GLRX5: variants seen among roughly 807,000 people sequenced by gnomAD.
GLRX5 encodes the protein glutaredoxin 5.
In GLRX5, 10 loss-of-function variants were observed where a neutral mutation model predicts 13.8. The ratio of observed to expected loss-of-function variants is 0.72; its 90% confidence interval spans 0.45 to 1.23. The LOEUF (loss-of-function observed/expected upper bound fraction) is 1.23. GLRX5 is among the 50% of genes most tolerant of loss of function. GLRX5 has a pLI of 0.00. For missense variants in GLRX5, 233 were observed against 215.2 expected (o/e 1.08, Z -0.52); for synonymous variants, 98 against 101.1 (o/e 0.97, Z 0.18).
Position 95,544,592 on chromosome 14 carries a change from G to A in GLRX5, c.*467G>A, listed in dbSNP as rs2236314. The A allele has an allele frequency of 0.09, 17,742 of 197,852 alleles. 1,027 individuals carry two copies. Among genetic ancestry groups the A allele is most frequent in the East Asian group, 0.17 (1,384 of 8,000 alleles). The allele number at this position is 197,852 out of a possible 1,614,324, so 12.3% of individuals were successfully genotyped here. Reference sequence around the variant, plus strand: ...TTAAAATAAACTCCAGCACAGGGATGCTGTGCATGCCTGAGTTGATTCCGA... The same window carrying A: ...TTAAAATAAACTCCAGCACAGGGATACTGTGCATGCCTGAGTTGATTCCGA... On this transcript the variant is annotated 3_prime_UTR_variant, in exon 2 of 2. Coordinates refer to ENST00000331334, the MANE Select transcript of GLRX5 (RefSeq NM_016417.3).
rs189688360 is a variant in GLRX5, at chr14:95,544,317, T to C, written c.*192T>C. The C allele has an allele frequency of 1.1e-3, 691 of 627,238 alleles. 3 individuals carry two copies. The African/African-American group carries it at 0.011, about 10-fold the overall frequency. 38.9% of individuals were successfully genotyped at this position (627,238 alleles called of 1,614,324 possible). A position where few individuals can be genotyped will look rare whatever the true frequency, so the allele number is the denominator to read the frequency against. On this transcript the variant is annotated 3_prime_UTR_variant, in exon 2 of 2. Coordinates refer to ENST00000331334, the MANE Select transcript of GLRX5 (RefSeq NM_016417.3). The stretch of plus-strand genomic sequence containing the variant: ...AAGAATATTTTATTGTGGACTTAAT[T>C]ACAACCACTGCACTGTAATGATTCA...
intron 1 of GLRX5, among the ~76,000 whole-genome samples, chr14:95,541,740 G>A (rs1287574622): frequency 6.6e-6 from 1 of 152,204 alleles, no homozygotes; most frequent in Non-Finnish European, 1.5e-5. Flanking sequence ...CTTCGATTGA[G>A]TGTGATACTA....
Position 95,544,158 on chromosome 14 carries a change from GC to G in GLRX5, c.*35del, listed in dbSNP as rs770805454. The G allele has an allele frequency of 2.5e-6, 4 of 1,589,938 alleles. No individual in the cohort carries two copies. The highest frequency in any genetic ancestry group is 4.5e-5 in the East Asian group (2 of 44,542). ...CAAGTCCTCGCTGAGCAGAGAGGGA[GC>G]CGTTCATGTCAGAGACTCACTGCCA... On this transcript the variant is annotated 3_prime_UTR_variant, in exon 2 of 2. Transcript: ENST00000331334.
At chr14:95,543,467 G>A (rs1465009029) in intron 1 of GLRX5, 104 of 316,758 alleles carry the variant, frequency 3.3e-4, no homozygotes, top group African/African-American at 2.2e-4. Context: ...ATGAATTACC[G>A]TGATGGATCC....
At position 95,535,325 on chromosome 14, in the gene GLRX5, T is replaced by C. The variant is rs752203652; in HGVS notation, c.236T>C (p.Leu79Pro). ...AACGCCGTGGTGCAGATCCTGCGGC[T>C]GCACGGCGTCCGCGATTACGCGGCC... ...FSNAVVQILR[L>P]HGVRDYAAYN... is the part of the protein sequence containing the mutation. Residue 79 changes from leucine to proline, a missense_variant, in exon 1 of 2, where the codon CTG becomes CCG. By Grantham distance (98) the Leu-to-Pro change is moderately conservative. Transcript: ENST00000331334. 3.9e-6 allele frequency: 6 copies of C among 1,555,234 alleles called. No homozygotes were observed. In the African/African-American group the frequency reaches 6.8e-5, roughly 18 times the overall value.
intron 1 of GLRX5, chr14:95,543,511 A>C: frequency 3.2e-6 from 1 of 315,054 alleles, no homozygotes; most frequent in Non-Finnish European, 6.2e-6. Flanking sequence ...ACATTTCTTC[A>C]AGTTTTGTTT....
At chr14:95,542,843 ATG>A in intron 1 of GLRX5, 2 of 340,892 alleles carry the variant, frequency 5.9e-6, no homozygotes, top group Non-Finnish European at 1.2e-5. Flanking sequence ...ATGGCCGACT[ATG>A]TTTTTGAAAG....
At chr14:95,540,679 C>CA (rs1185093585) in intron 1 of GLRX5, among the ~76,000 whole-genome samples, 6 of 152,114 alleles carry the variant, frequency 3.9e-5, no homozygotes, top group Non-Finnish European at 5.9e-5. Context: ...GTAACTTGCC[C>CA]AAGATCACAG....
chr14:95,543,367 A>G (rs1449281613), intron 1 of GLRX5: 2 of 339,622 alleles, frequency 5.9e-6, no homozygotes, highest in Admixed American at 7.8e-5. Context: ...TCAACAACTC[A>G]TCATCTCGAG....
rs1332574751 is a variant in GLRX5, at chr14:95,544,508, CTTTT to C, written c.*384_*387del. ...TCTCCCCCCAAATTTTGTGTAGCTT[CTTTT>C]GTTATGGAAAATGGTGAACAAAAAA... On this transcript the variant is annotated 3_prime_UTR_variant, in exon 2 of 2. Transcript: ENST00000331334. 1 of 213,460 alleles carries C rather than the reference CTTTT, an allele frequency of 4.7e-6. No individual in the cohort carries two copies. Among genetic ancestry groups the C allele is most frequent in the Admixed American group, 5.2e-5 (1 of 19,120 alleles). 13.2% of individuals were successfully genotyped at this position (213,460 alleles called of 1,614,324 possible).
At chr14:95,538,881 A>G (rs562114474) in intron 1 of GLRX5, among the ~76,000 whole-genome samples, 1 of 152,348 alleles carries the variant, frequency 6.6e-6, no homozygotes, top group Non-Finnish European at 1.5e-5. Context: ...AGTAGACTGG[A>G]TTTGGCCTGA....
At position 95,544,160 on chromosome 14, in the gene GLRX5, C is replaced by A; in HGVS notation, c.*35C>A. ...AGTCCTCGCTGAGCAGAGAGGGAGC[C>A]GTTCATGTCAGAGACTCACTGCCAG... is the stretch of plus-strand genomic sequence containing the variant. On this transcript the variant is annotated 3_prime_UTR_variant, in exon 2 of 2. Transcript: ENST00000331334. 1 of 1,584,840 alleles carries A rather than the reference C, an allele frequency of 6.3e-7. No individual in the cohort carries two copies. The highest frequency in any genetic ancestry group is 2.3e-5 in the East Asian group (1 of 44,428).
Position 95,543,465 on chromosome 14 carries a change from C to A in GLRX5, c.296-482C>A, listed in dbSNP as rs191527859. On this transcript the variant is annotated intron_variant, in intron 1 of 1. Coordinates refer to ENST00000331334, the MANE Select transcript of GLRX5 (RefSeq NM_016417.3). ...GATTGCCCGAGTTGGCCATGAATTACCGTGATGGATCCATTTGGAAATGAA... is the reference window on the plus strand; with the variant it reads ...GATTGCCCGAGTTGGCCATGAATTAACGTGATGGATCCATTTGGAAATGAA... 2.2e-4 allele frequency: 71 copies of A among 317,188 alleles called. No individual in the cohort carries two copies. In the East Asian group the frequency reaches 5.6e-3, roughly 25 times the overall value. The allele number at this position is 317,188 out of a possible 1,614,324, so 19.6% of individuals were successfully genotyped here. A position where few individuals can be genotyped will look rare whatever the true frequency, so the allele number is the denominator to read the frequency against.
At chr14:95,541,680 A>G (rs1487045428) in intron 1 of GLRX5, among the ~76,000 whole-genome samples, 1 of 152,224 alleles carries the variant, frequency 6.6e-6, no homozygotes, top group Non-Finnish European at 1.5e-5. Flanking sequence ...CGTAGTCAGG[A>G]CATATGATCA....
intron 1 of GLRX5, chr14:95,543,696 G>A: frequency 1.9e-6 from 1 of 519,954 alleles, no homozygotes; most frequent in South Asian, 2.3e-5. Context: ...GATGAGGGTG[G>A]AAACAGGATG....
chr14:95,536,042 A>G (rs1891371825), intron 1 of GLRX5, among the ~76,000 whole-genome samples: 1 of 152,166 alleles, frequency 6.6e-6, no homozygotes, highest in Admixed American at 6.5e-5. Context: ...TTAGATACTC[A>G]AGCACAGGGC....
At chr14:95,540,915 T>C (rs534175594) in intron 1 of GLRX5, among the ~76,000 whole-genome samples, 2 of 152,356 alleles carry the variant, frequency 1.3e-5, no homozygotes, top group South Asian at 2.1e-4. Flanking sequence ...CTGTACTCTT[T>C]CTGGGTTGAT....
chr14:95,540,356 G>A (rs1034274601), intron 1 of GLRX5, among the ~76,000 whole-genome samples: 3 of 152,164 alleles, frequency 2.0e-5, no homozygotes, highest in East Asian at 3.8e-4. Context: ...ACTATGCTGG[G>A]AGCTCAATTC....
chr14:95,542,488 G>GT (rs1408557574), intron 1 of GLRX5, among the ~76,000 whole-genome samples: 3 of 152,102 alleles, frequency 2.0e-5, no homozygotes, highest in Admixed American at 6.6e-5. Context: ...AGCAAAGTCA[G>GT]TTTTTTTAAT....
Sources: allele counts gnomAD v4.1 joint callset (sites outside exome capture counted in the v4.1 genomes callset), GRCh38; gene constraint gnomAD v4.1.1; transcripts MANE v1.5; gene names NCBI Gene and HGNC (gene_info 2026-07-23, HGNC 2026-07-21).